The following ZRANB3 variants were observed in gnomAD, a reference collection of about 807,000 sequenced individuals.
ZRANB3 encodes the protein DNA annealing helicase and endonuclease ZRANB3.
In ZRANB3, 125 loss-of-function variants were observed where a neutral mutation model predicts 133.8. That is an observed-to-expected ratio of 0.93 (90% CI 0.81 to 1.08). The LOEUF (loss-of-function observed/expected upper bound fraction) is 1.08, where lower values mean the gene tolerates loss of function less well. Among genes scored for constraint, ZRANB3 ranks in the 50% least tolerant of loss-of-function variants. The probability of loss-of-function intolerance (pLI) is 0.00; values close to 1 mark genes in which losing one functional copy is unlikely to be tolerated. For missense variants in ZRANB3, 1,229 were observed against 1,275.5 expected (o/e 0.96, Z 0.56); for synonymous variants, 387 against 432.7 (o/e 0.89, Z 1.31).
chr2:135,263,763 C>T (rs1425622629), intron 12 of ZRANB3, among the ~76,000 whole-genome samples: 1 of 151,500 alleles, frequency 6.6e-6, no homozygotes, highest in African/African-American at 2.4e-5. Context: ...ATAATTGAAA[C>T]CCCTAAGTTC....
At chr2:135,202,739 T>C in intron 20 of ZRANB3, 93 bp downstream of exon 20, 3 of 1,423,934 alleles carry the variant, frequency 2.1e-6, no homozygotes, top group South Asian at 1.5e-5. Context: ...AGACCAGAGA[T>C]AAATTCATCC....
At chr2:135,384,683 T>C (rs546443097) in intron 3 of ZRANB3, among the ~76,000 whole-genome samples, 3 of 151,492 alleles carry the variant, frequency 2.0e-5, no homozygotes, top group South Asian at 2.1e-4. Flanking sequence ...GCAAGGCTGG[T>C]TCAACATATG....
intron 1 of ZRANB3, among the ~76,000 whole-genome samples, chr2:135,517,518 ACAGT>A (rs1278673442): frequency 6.6e-6 from 1 of 152,112 alleles, no homozygotes; most frequent in East Asian, 1.9e-4. Context: ...TTTCCTTCTA[ACAGT>A]CAGGCCCCTC....
chr2:135,511,507 T>C, intron 1 of ZRANB3: 4 of 972,876 alleles, frequency 4.1e-6, no homozygotes, highest in Non-Finnish European at 6.7e-6. Context: ...AGACTCCTCC[T>C]GAGGCTCAGT....
intron 2 of ZRANB3, among the ~76,000 whole-genome samples, chr2:135,430,910 T>C (rs73956714): frequency 0.1 from 15,752 of 152,094 alleles, 1,081 homozygotes; most frequent in South Asian, 0.32. Flanking sequence ...TCATACCATA[T>C]ACAAACTTGA....
chr2:135,443,408 A>G (rs535030130), intron 2 of ZRANB3, among the ~76,000 whole-genome samples: 92 of 151,928 alleles, frequency 6.1e-4, no homozygotes, highest in African/African-American at 2.0e-3. Context: ...GGGGAGGGAT[A>G]GCATTAGGAG....
In ZRANB3 at chr2:135,258,430, AAG is replaced by A. The variant is rs150030869; in HGVS notation, c.1539+7102_1539+7103del. ...GCCCTCTCCTGTTCCTGGGTGGTAA[AAG>A]GGGATTCAATCTGTGAAGCGCAAAG... is the stretch of plus-strand genomic sequence containing the variant. On this transcript the variant is annotated intron_variant, in intron 12 of 20. Coordinates refer to ENST00000264159, the MANE Select transcript of ZRANB3 (RefSeq NM_032143.4). Among the ~76,000 whole-genome samples the A allele has an allele frequency of 4.0e-4, 61 of 152,190 alleles. 1 individual carries two copies. The East Asian group carries it at 9.9e-3, about 25-fold the overall frequency.
chr2:135,277,679 C>T (rs1056107973), intron 8 of ZRANB3, among the ~76,000 whole-genome samples: 2 of 152,110 alleles, frequency 1.3e-5, no homozygotes, highest in East Asian at 1.9e-4. Flanking sequence ...AATCCAAGCA[C>T]TTTGGGAAGC....
At chr2:135,230,376 A>T in intron 13 of ZRANB3, 137 bp downstream of exon 13, 1 of 673,164 alleles carries the variant, frequency 1.5e-6, no homozygotes, top group Non-Finnish European at 2.2e-6. Flanking sequence ...TCACTATAAG[A>T]AGCTCTTATT....
chr2:135,483,487 G>A lies in ZRANB3; in HGVS notation c.161+20842C>T, dbSNP rs866427797. On this transcript the variant is annotated intron_variant, in intron 2 of 20. Coordinates refer to ENST00000264159, the MANE Select transcript of ZRANB3 (RefSeq NM_032143.4). ...TATCCCCTTTATCATTTTTTATTGC[G>A]TCTATTTGATTCTTCTCTCTTTTTT... 1.0e-3 allele frequency among the ~76,000 whole-genome samples: 151 copies of A among 151,516 alleles called. 1 individual carries two copies. Among genetic ancestry groups the A allele is most frequent in the African/African-American group, 3.1e-3 (127 of 40,958 alleles).
intron 6 of ZRANB3, among the ~76,000 whole-genome samples, chr2:135,338,811 T>C (rs1158473954): frequency 6.6e-6 from 1 of 152,220 alleles, no homozygotes; most frequent in Admixed American, 6.5e-5. Flanking sequence ...TATGTGTATA[T>C]CTATATGTTG....
chr2:135,309,125 C>T (rs1682848001), intron 8 of ZRANB3, among the ~76,000 whole-genome samples: 1 of 151,688 alleles, frequency 6.6e-6, no homozygotes, highest in South Asian at 2.1e-4. Context: ...GGACTACAGG[C>T]ACCCGCCACC....
chr2:135,462,223 A>G (rs562426503), intron 2 of ZRANB3, among the ~76,000 whole-genome samples: 24 of 152,328 alleles, frequency 1.6e-4, no homozygotes, highest in African/African-American at 5.8e-4. Flanking sequence ...ACTTTCCACA[A>G]CAAATCTATC....
intron 2 of ZRANB3, among the ~76,000 whole-genome samples, chr2:135,438,379 C>A (rs558936102): frequency 4.7e-4 from 72 of 151,924 alleles, no homozygotes; most frequent in African/African-American, 1.7e-3. Context: ...GTGGCGTGCA[C>A]CTGTAATCCC....
intron 1 of ZRANB3, among the ~76,000 whole-genome samples, chr2:135,517,070 T>C (rs1259215773): frequency 1.3e-5 from 2 of 152,064 alleles, no homozygotes; most frequent in Middle Eastern, 3.4e-3. Flanking sequence ...ATTTGGCTAT[T>C]GATATTTGTG....
chr2:135,350,299 AGAG>A (rs1429406261), intron 4 of ZRANB3, 84 bp from the exon 5 acceptor site: 33 of 967,944 alleles, frequency 3.4e-5, no homozygotes, highest in Admixed American at 7.7e-5. Flanking sequence ...GAAAAAATAC[AGAG>A]GAGAAGAAAG....
intron 2 of ZRANB3, among the ~76,000 whole-genome samples, chr2:135,487,967 C>A (rs946877579): frequency 6.6e-6 from 1 of 152,232 alleles, no homozygotes; most frequent in South Asian, 2.1e-4. Context: ...ATATCCACTT[C>A]GACCTGCCTT....
intron 3 of ZRANB3, among the ~76,000 whole-genome samples, chr2:135,379,703 AAC>A (rs1466585821): frequency 2.6e-5 from 4 of 152,188 alleles, no homozygotes; most frequent in Non-Finnish European, 1.5e-5. Context: ...TCACTGCAAA[AAC>A]ACACCAAATT....
At chr2:135,345,394 G>A in intron 6 of ZRANB3, 156 bp downstream of exon 6, 1 of 550,060 alleles carries the variant, frequency 1.8e-6, no homozygotes, top group Non-Finnish European at 3.2e-6. Flanking sequence ...ATTGAACCCA[G>A]GAGGCAGAGA....
Sources: allele counts gnomAD v4.1 joint callset (sites outside exome capture counted in the v4.1 genomes callset), GRCh38; gene constraint gnomAD v4.1.1; transcripts MANE v1.5; gene names NCBI Gene and HGNC (gene_info 2026-07-23, HGNC 2026-07-21).